The following NT5DC3 variants were observed in gnomAD, a reference collection of about 807,000 sequenced individuals.
NT5DC3 encodes 5'-nucleotidase domain containing 3, also known as 5'-nucleotidase domain-containing protein 3.
NT5DC3 carries 42 observed loss-of-function variants against 67.8 expected under a neutral mutation model. That is an observed-to-expected ratio of 0.62 (90% CI 0.48 to 0.80). NT5DC3 has a LOEUF of 0.80. Ranked by LOEUF, NT5DC3 falls within the 30% of genes least tolerant of loss-of-function variation. NT5DC3 has a pLI of 0.00. For synonymous variants in NT5DC3, 237 were observed against 255.6 expected (o/e 0.93, Z 0.69); for missense variants, 570 against 696.4 (o/e 0.82, Z 2.04).
At chr12:103,769,451 C>A (rs552205839), downstream of NT5DC3, among the ~76,000 whole-genome samples, 1 of 152,222 alleles carries the variant, frequency 6.6e-6, no homozygotes, top group Non-Finnish European at 1.5e-5. Context: ...CGGAAAACTC[C>A]GTCCCCAACA....
At chr12:103,787,375 G>A in intron 11 of NT5DC3, 66 bp downstream of exon 11, 7 of 734,748 alleles carry the variant, frequency 9.5e-6, no homozygotes, top group South Asian at 2.7e-5. Flanking sequence ...TTAAATAAAA[G>A]ATACATTCTT....
intron 6 of NT5DC3, among the ~76,000 whole-genome samples, chr12:103,796,399 C>A (rs1459671852): frequency 6.6e-6 from 1 of 152,240 alleles, no homozygotes; most frequent in Non-Finnish European, 1.5e-5. Context: ...CGCCTGTAAT[C>A]CCAGCTACTT....
the NT5DC3 span, chr12:103,746,553 T>G: frequency 6.3e-7 from 1 of 1,597,016 alleles, no homozygotes; most frequent in Non-Finnish European, 8.6e-7. Flanking sequence ...GTTTTAACTC[T>G]TCACACCATG....
At chr12:103,819,496 CT>C (rs760517592) in intron 1 of NT5DC3, 4 of 152,218 alleles carry the variant, frequency 2.6e-5, no homozygotes. Context: ...GACAGCAAGA[CT>C]ATACAATCAG....
intron 4 of NT5DC3, among the ~76,000 whole-genome samples, chr12:103,803,992 T>C (rs1886695324): frequency 6.6e-6 from 1 of 151,962 alleles, no homozygotes; most frequent in Non-Finnish European, 1.5e-5. Flanking sequence ...CCCAGGCAAT[T>C]ATTTGCTGTG....
chr12:103,758,419 A>C, the NT5DC3 span: 1 of 1,453,928 alleles, frequency 6.9e-7, no homozygotes, highest in Non-Finnish European at 9.2e-7. Context: ...TCTGCAGATC[A>C]GTTGGCCACT....
intron 1 of NT5DC3, among the ~76,000 whole-genome samples, chr12:103,839,173 T>C (rs1447009871): frequency 1.3e-5 from 2 of 152,242 alleles, no homozygotes; most frequent in African/African-American, 2.4e-5. Flanking sequence ...GTTGTGATAA[T>C]GTACTACTGT....
At chr12:103,810,054 C>T (rs566006092) in intron 2 of NT5DC3, among the ~76,000 whole-genome samples, 1 of 112,284 alleles carries the variant, frequency 8.9e-6, no homozygotes, top group East Asian at 2.0e-4. Context: ...CAAGTCAGGG[C>T]AGTGCCTGGC....
At chr12:103,813,484 T>C (rs895716556) in intron 2 of NT5DC3, among the ~76,000 whole-genome samples, 7 of 152,170 alleles carry the variant, frequency 4.6e-5, no homozygotes, top group Non-Finnish European at 7.4e-5. Flanking sequence ...ATTTTGGATA[T>C]GGACAAAATG....
intron 1 of NT5DC3, among the ~76,000 whole-genome samples, chr12:103,834,530 T>C (rs576347004): frequency 8.5e-5 from 13 of 152,144 alleles, no homozygotes; most frequent in Admixed American, 7.8e-4. Flanking sequence ...GGAGGGTAGG[T>C]AAATACGAAG....
chr12:103,817,630 A>G (rs1042195507), intron 1 of NT5DC3, among the ~76,000 whole-genome samples: 2 of 152,218 alleles, frequency 1.3e-5, no homozygotes, highest in East Asian at 3.8e-4. Flanking sequence ...AACCTTAGGA[A>G]GCAAATACTA....
Position 103,776,673 on chromosome 12 carries a change from A to G in NT5DC3, c.*1156T>C. ...GACATCTAAAAAAAAACAAAACAAAACAAAAAAAAAAAAAACAAACTACAC... is the reference window on the plus strand; with the variant it reads ...GACATCTAAAAAAAAACAAAACAAAGCAAAAAAAAAAAAAACAAACTACAC... On this transcript the variant is annotated 3_prime_UTR_variant, in exon 14 of 14. Transcript: ENST00000392876. 8.6e-6 allele frequency: 1 copy of G among 116,160 alleles called. No homozygotes were observed. Among genetic ancestry groups the G allele is most frequent in the East Asian group, 2.5e-4 (1 of 3,934 alleles). 7.2% of individuals were successfully genotyped at this position (116,160 alleles called of 1,614,324 possible). A position where few individuals can be genotyped will look rare whatever the true frequency, so the allele number is the denominator to read the frequency against.
In NT5DC3 at chr12:103,813,689, C is replaced by T. The variant is rs1014183561; in HGVS notation, c.393+1248G>A. Among the ~76,000 whole-genome samples, 12 of 152,152 alleles carry T rather than the reference C, an allele frequency of 7.9e-5. No homozygotes were observed. In the East Asian group the frequency reaches 1.7e-3, roughly 22 times the overall value. On this transcript the variant is annotated intron_variant, in intron 2 of 13. Coordinates refer to ENST00000392876, the MANE Select transcript of NT5DC3 (RefSeq NM_001031701.3). ...CTGGGGTAACATCTTCAAGGCCTCACATTTGAGAGAAACAAACCAGAGCAC... is the reference window on the plus strand; with the variant it reads ...CTGGGGTAACATCTTCAAGGCCTCATATTTGAGAGAAACAAACCAGAGCAC...
At chr12:103,800,289 C>T (rs1469964596) in intron 4 of NT5DC3, among the ~76,000 whole-genome samples, 1 of 152,166 alleles carries the variant, frequency 6.6e-6, no homozygotes, top group African/African-American at 2.4e-5. Flanking sequence ...AACTACTGGC[C>T]TTTGAAAAAA....
downstream of NT5DC3, chr12:103,771,368 T>A (rs558010362): frequency 3.9e-5 from 6 of 152,194 alleles, no homozygotes; most frequent in African/African-American, 1.4e-4. Flanking sequence ...TCACAAAAAT[T>A]TTTTGTGGTT....
intron 7 of NT5DC3, 58 bp from the exon 8 acceptor site, chr12:103,793,570 G>A: frequency 7.8e-7 from 1 of 1,275,018 alleles, no homozygotes; most frequent in Non-Finnish European, 1.1e-6. Context: ...CAATCTGCAA[G>A]TACTTTCTAA....
intron 1 of NT5DC3, among the ~76,000 whole-genome samples, chr12:103,835,756 C>CA (rs1330189096): frequency 6.6e-6 from 1 of 152,238 alleles, no homozygotes; most frequent in Non-Finnish European, 1.5e-5. Context: ...ACACGGCTGT[C>CA]ATACTCCAAA....
intron 1 of NT5DC3, among the ~76,000 whole-genome samples, chr12:103,837,498 T>C (rs998532556): frequency 6.6e-6 from 1 of 152,262 alleles, no homozygotes; most frequent in Non-Finnish European, 1.5e-5. Flanking sequence ...TTTTATGCTC[T>C]GTTTCCCTTT....
chr12:103,801,207 G>A (rs1886560547), intron 4 of NT5DC3, among the ~76,000 whole-genome samples: 1 of 151,890 alleles, frequency 6.6e-6, no homozygotes, highest in African/African-American at 2.4e-5. Context: ...GAGACACTTT[G>A]CTTAGAAACA....
Sources: gnomAD v4.1 joint callset for allele counts (sites outside exome capture counted in the v4.1 genomes callset) on GRCh38, gnomAD v4.1.1 for gene constraint, MANE v1.5 for transcripts, NCBI Gene and HGNC (gene_info 2026-07-23, HGNC 2026-07-21) for gene names.